EEA1: variants seen among roughly 807,000 people sequenced by gnomAD.
EEA1 encodes early endosome antigen 1, 162kD.
Under a neutral mutation model 209.2 loss-of-function variants are expected in EEA1, and 111 were observed. That is an observed-to-expected ratio of 0.53 (90% CI 0.45 to 0.62). The LOEUF (loss-of-function observed/expected upper bound fraction) is 0.62. Among genes scored for constraint, EEA1 ranks in the 20% least tolerant of loss-of-function variants. The pLI is 0.00. For synonymous variants in EEA1, 536 were observed against 540.6 expected (o/e 0.99, Z 0.12); for missense variants, 1,343 against 1,530.8 (o/e 0.88, Z 2.05).
At chr12:92,842,348 TA>T (rs367692433) in intron 10 of EEA1, 116 bp downstream of exon 10, 91,509 of 449,488 alleles carry the variant, frequency 0.2, 568 homozygotes, top group Middle Eastern at 0.27. Flanking sequence ...TATTAAACAC[TA>T]AAAAAAAAAA....
Position 92,772,456 on chromosome 12 carries a change from TAC to T in EEA1, c.*3553_*3554del, listed in dbSNP as rs1409906323. The T allele has an allele frequency of 6.6e-6, 1 of 151,908 alleles. No homozygotes were observed. The highest frequency in any genetic ancestry group is 1.5e-5 in the Non-Finnish European group (1 of 67,814). 9.4% of individuals were successfully genotyped at this position (151,908 alleles called of 1,614,324 possible). On this transcript the variant is annotated 3_prime_UTR_variant, in exon 29 of 29. Coordinates refer to ENST00000322349, the MANE Select transcript of EEA1 (RefSeq NM_003566.4). Reference sequence around the variant, plus strand: ...AAATAAATTAATGCAAAATGGTTAATACAGTGTTCTCTCTTTTGTTAGACAAA... The same window carrying T: ...AAATAAATTAATGCAAAATGGTTAATAGTGTTCTCTCTTTTGTTAGACAAA...
Position 92,848,643 on chromosome 12 carries a change from G to T in EEA1, c.798+2468C>A, listed in dbSNP as rs549961887. On this transcript the variant is annotated intron_variant, in intron 9 of 28. Transcript: ENST00000322349. ...TAACTCTTAAATATTACTTAGAAAT[G>T]AGTAATTCTTAAATTAGAGTAACTC... Among the ~76,000 whole-genome samples, 34 of 148,902 alleles carry T rather than the reference G, an allele frequency of 2.3e-4. No homozygotes were observed. In the South Asian group the frequency reaches 6.1e-3, roughly 27 times the overall value.
At chr12:92,861,704 G>C (rs1339292619) in intron 3 of EEA1, among the ~76,000 whole-genome samples, 1 of 151,686 alleles carries the variant, frequency 6.6e-6, no homozygotes, top group African/African-American at 2.4e-5. Context: ...GATACAGAGA[G>C]AAACAAAAGA....
At chr12:92,862,503 C>T (rs1053087079) in intron 3 of EEA1, among the ~76,000 whole-genome samples, 15 of 151,466 alleles carry the variant, frequency 9.9e-5, no homozygotes, top group African/African-American at 3.4e-4. Flanking sequence ...GGCTGAGGCA[C>T]GAGGATTACT....
At chr12:92,898,721 C>CT (rs1318223951) in intron 1 of EEA1, among the ~76,000 whole-genome samples, 5 of 133,582 alleles carry the variant, frequency 3.7e-5, no homozygotes, top group South Asian at 2.4e-4. Flanking sequence ...TTTTTTTTTC[C>CT]TTTTTTTCCC....
chr12:92,893,539 C>A (rs1879747120), intron 1 of EEA1, among the ~76,000 whole-genome samples: 1 of 151,884 alleles, frequency 6.6e-6, no homozygotes, highest in South Asian at 2.1e-4. Flanking sequence ...CAACCTAAAT[C>A]CAAATAAGGA....
intron 14 of EEA1, among the ~76,000 whole-genome samples, chr12:92,817,787 T>C (rs895323187): frequency 1.3e-5 from 2 of 152,208 alleles, no homozygotes; most frequent in Non-Finnish European, 2.9e-5. Flanking sequence ...ATTTAATATT[T>C]TTGTGGTTCT....
intron 2 of EEA1, among the ~76,000 whole-genome samples, chr12:92,874,494 T>C (rs898823798): frequency 2.6e-5 from 4 of 152,104 alleles, no homozygotes; most frequent in Non-Finnish European, 1.5e-5. Flanking sequence ...GCCTCCCGAG[T>C]AGCTGGGATT....
chr12:92,885,331 T>A (rs184477299), intron 2 of EEA1, among the ~76,000 whole-genome samples: 1 of 152,264 alleles, frequency 6.6e-6, no homozygotes, highest in East Asian at 1.9e-4. Flanking sequence ...ATATTTCCAA[T>A]TTAACTTAGA....
At chr12:92,859,440 T>G (rs749312130) in intron 3 of EEA1, among the ~76,000 whole-genome samples, 9 of 152,246 alleles carry the variant, frequency 5.9e-5, no homozygotes, top group Non-Finnish European at 1.2e-4. Flanking sequence ...TGTGGGTAAG[T>G]TGGGCTTGCT....
chr12:92,917,575 A>G (rs1461241840), intron 1 of EEA1, among the ~76,000 whole-genome samples: 1 of 151,970 alleles, frequency 6.6e-6, no homozygotes, highest in Non-Finnish European at 1.5e-5. Flanking sequence ...GACCTGCCCT[A>G]AAAGAGCTCC....
intron 10 of EEA1, among the ~76,000 whole-genome samples, chr12:92,837,934 A>G (rs2136698109): frequency 6.6e-6 from 1 of 152,324 alleles, no homozygotes; most frequent in East Asian, 1.9e-4. Context: ...TTTACCAAAG[A>G]CATGGGGTAA....
Position 92,842,562 on chromosome 12 carries a change from C to T in EEA1, c.818G>A (p.Arg273Lys). ...CTGGGGGCCTTTGGCAAGTTCACTCCTTAGCTGGCTTATTGTGGCCTAACA... is the reference window on the plus strand; with the variant it reads ...CTGGGGGCCTTTGGCAAGTTCACTCTTTAGCTGGCTTATTGTGGCCTAACA... ...ASSEATISQL[R>K]SELAKGPQEV... The change falls in exon 10 of 29, where the codon AGG becomes AAG. Residue 273 changes from arginine (R) to lysine (K), a missense_variant. By Grantham distance (26) the Arg-to-Lys change is conservative. This residue lies in a region of EEA1 where 1,307 missense variants were observed against 1,465.5 expected (regional missense o/e 0.89). Transcript: ENST00000322349. The T allele has an allele frequency of 6.2e-7, 1 of 1,600,246 alleles. No homozygotes were observed. Among genetic ancestry groups the T allele is most frequent in the Non-Finnish European group, 8.5e-7 (1 of 1,173,260 alleles).
intron 25 of EEA1, 68 bp downstream of exon 25, chr12:92,779,047 A>T: frequency 7.3e-7 from 1 of 1,362,796 alleles, no homozygotes. Context: ...TATAAGTAGA[A>T]CAGTCCTCTC....
intron 18 of EEA1, among the ~76,000 whole-genome samples, chr12:92,806,048 A>G (rs1004984252): frequency 1.3e-5 from 2 of 152,212 alleles, no homozygotes; most frequent in Admixed American, 6.5e-5. Flanking sequence ...TCTAGCATTG[A>G]CAAGTGAAAA....
At chr12:92,865,714 TTTTTATTTTA>T (rs79830023) in intron 2 of EEA1, among the ~76,000 whole-genome samples, 4,411 of 142,388 alleles carry the variant, frequency 0.031, 129 homozygotes, top group African/African-American at 0.079. Flanking sequence ...AACTTTTATT[TTTTTATTTTA>T]TTTTATTTTA....
chr12:92,795,506 A>T (rs971284294), intron 21 of EEA1, among the ~76,000 whole-genome samples: 1 of 152,210 alleles, frequency 6.6e-6, no homozygotes, highest in Non-Finnish European at 1.5e-5. Context: ...CAAGTGATTG[A>T]ATGACAAATA....
At chr12:92,874,429 A>C (rs1039630737) in intron 2 of EEA1, among the ~76,000 whole-genome samples, 3 of 152,234 alleles carry the variant, frequency 2.0e-5, no homozygotes, top group Non-Finnish European at 4.4e-5. Flanking sequence ...GCAGTGGCAC[A>C]ATCTCGGCTC....
chr12:92,824,406 C>T (rs748848769), intron 13 of EEA1, among the ~76,000 whole-genome samples: 48 of 152,148 alleles, frequency 3.2e-4, no homozygotes, highest in Non-Finnish European at 4.3e-4. Context: ...ATCATTTCAC[C>T]GCTTTGCTCA....
Sources: gnomAD v4.1 joint callset for allele counts (sites outside exome capture counted in the v4.1 genomes callset) on GRCh38, gnomAD v4.1.1 for gene constraint, gnomAD v4.1.1 regional missense constraint, MANE v1.5 for transcripts, NCBI Gene and HGNC (gene_info 2026-07-23, HGNC 2026-07-21) for gene names.